RHOBTB3: variants seen among roughly 807,000 people sequenced by gnomAD.
RHOBTB3 encodes the protein Rho related BTB domain containing 3.
Under a neutral mutation model 67.2 loss-of-function variants are expected in RHOBTB3, and 47 were observed. The observed-to-expected ratio is 0.70, with a 90% CI of 0.55 to 0.89. The LOEUF is 0.89. Ranked by LOEUF, RHOBTB3 falls within the 40% of genes least tolerant of loss-of-function variation. RHOBTB3 has a pLI of 0.00. For synonymous variants in RHOBTB3, 273 were observed against 274.2 expected, an observed-to-expected ratio of 1.00 and a Z score of 0.04; for missense variants, 631 against 750.0, an observed-to-expected ratio of 0.84 and a Z score of 1.85.
chr5:95,742,932 A>T (rs547301178), intron 3 of RHOBTB3, among the ~76,000 whole-genome samples: 2 of 152,274 alleles, frequency 1.3e-5, no homozygotes, highest in African/African-American at 2.4e-5. Flanking sequence ...TTAGCCAGGC[A>T]TGCTGGCGGG....
intron 3 of RHOBTB3, among the ~76,000 whole-genome samples, chr5:95,744,073 C>G (rs1045594940): frequency 6.6e-6 from 1 of 151,690 alleles, no homozygotes; most frequent in African/African-American, 2.4e-5. Context: ...CTCTCCTTCC[C>G]TCTCTTCTTT....
At chr5:95,720,849 G>A (rs1754848844) in intron 1 of RHOBTB3, among the ~76,000 whole-genome samples, 1 of 152,024 alleles carries the variant, frequency 6.6e-6, no homozygotes, top group Non-Finnish European at 1.5e-5. Context: ...TTTTGTTTCT[G>A]TTCACCTACA....
At chr5:95,771,142 T>C (rs1164196250) in intron 8 of RHOBTB3, among the ~76,000 whole-genome samples, 1 of 152,186 alleles carries the variant, frequency 6.6e-6, no homozygotes, top group Non-Finnish European at 1.5e-5. Flanking sequence ...AATACCCAAT[T>C]ATGTGACAAC....
chr5:95,741,099 C>T (rs923839201), intron 3 of RHOBTB3, among the ~76,000 whole-genome samples: 3 of 151,976 alleles, frequency 2.0e-5, no homozygotes, highest in Non-Finnish European at 2.9e-5. Context: ...GAGGCCGACG[C>T]GGGTGGATCA....
At chr5:95,744,087 T>TCCTC (rs1755680734) in intron 3 of RHOBTB3, among the ~76,000 whole-genome samples, 1 of 150,882 alleles carries the variant, frequency 6.6e-6, no homozygotes, top group Non-Finnish European at 1.5e-5. Context: ...CTTCTTTCTC[T>TCCTC]CCTCCCCCCT....
At chr5:95,731,193 G>A, upstream of RHOBTB3, 6 of 1,004,448 alleles carry the variant, frequency 6.0e-6, no homozygotes, top group Non-Finnish European at 7.1e-6. Flanking sequence ...GGAGCTCCCG[G>A]GGCCTCCGCG....
Position 95,755,711 on chromosome 5 carries a change from A to G in RHOBTB3, c.998A>G (p.Asp333Gly). 6.2e-7 allele frequency: 1 copy of G among 1,614,062 alleles called. No homozygotes were observed. The highest frequency in any genetic ancestry group is 8.5e-7 in the Non-Finnish European group (1 of 1,179,990). Reference sequence around the variant, plus strand: ...CCACCATTACGAGTCATTGTTAAAGACGCCCTCTTCTGTTCTTGTTTATCA... The same window carrying G: ...CCACCATTACGAGTCATTGTTAAAGGCGCCCTCTTCTGTTCTTGTTTATCA... ...GNPPLRVIVKDALFCSCLSDI... is the reference protein window; with the variant it reads ...GNPPLRVIVKGALFCSCLSDI... The change falls in exon 6 of 12, where the codon GAC (aspartate) becomes GGC (glycine). Residue 333 changes from aspartate (D) to glycine (G), a missense_variant. Transcript: ENST00000379982.
intron 3 of RHOBTB3, among the ~76,000 whole-genome samples, chr5:95,741,454 G>A (rs1580398822): frequency 1.3e-5 from 2 of 149,236 alleles, no homozygotes; most frequent in East Asian, 3.9e-4. Context: ...AATCCAGGAT[G>A]CAATTAAATA....
Position 95,796,253 on chromosome 5 carries a change from AT to A in RHOBTB3, c.*3083del, listed in dbSNP as rs1438954711. On this transcript the variant is annotated 3_prime_UTR_variant, in exon 12 of 12. Coordinates refer to ENST00000379982, the MANE Select transcript of RHOBTB3 (RefSeq NM_014899.4). ...CATCTGTTTAATTCAACCTTTAATA[AT>A]TTTGCAAAGAAGGGTATGTGTGTAT... 3.9e-5 allele frequency: 6 copies of A among 152,246 alleles called. No individual in the cohort carries two copies. The highest frequency in any genetic ancestry group is 8.8e-5 in the Non-Finnish European group (6 of 68,040). 9.4% of individuals were successfully genotyped at this position (152,246 alleles called of 1,614,324 possible). A position where few individuals can be genotyped will look rare whatever the true frequency, so the allele number is the denominator to read the frequency against.
chr5:95,746,364 A>G (rs1236007487), intron 3 of RHOBTB3, among the ~76,000 whole-genome samples: 2 of 152,212 alleles, frequency 1.3e-5, no homozygotes, highest in South Asian at 2.1e-4. Flanking sequence ...ACTCCATTCC[A>G]TCAACATAAG....
rs1028392661 is a variant in RHOBTB3 at position 95,795,202 on chromosome 5, G to A, written c.*2028G>A. On this transcript the variant is annotated 3_prime_UTR_variant, in exon 12 of 12. Coordinates refer to ENST00000379982, the MANE Select transcript of RHOBTB3 (RefSeq NM_014899.4). Reference sequence around the variant, plus strand: ...CTGATTTTAATTAGGCTGTATCATTGATGATTACTGGAATCGATTTTATGT... The same window carrying A: ...CTGATTTTAATTAGGCTGTATCATTAATGATTACTGGAATCGATTTTATGT... 6.6e-6 allele frequency: 1 copy of A among 150,724 alleles called. No homozygotes were observed. The highest frequency in any genetic ancestry group is 1.5e-5 in the Non-Finnish European group (1 of 67,864). The allele number at this position is 150,724 out of a possible 1,614,324, so 9.3% of individuals were successfully genotyped here. A position where few individuals can be genotyped will look rare whatever the true frequency, so the allele number is the denominator to read the frequency against.
At chr5:95,769,918 C>G (rs1233929162) in intron 8 of RHOBTB3, 6 of 366,806 alleles carry the variant, frequency 1.6e-5, no homozygotes, top group Non-Finnish European at 3.2e-5. Context: ...AAAGCTGGTC[C>G]TCAGGTTATA....
Position 95,768,014 on chromosome 5 carries a change from A to G in RHOBTB3, c.1162-32A>G, listed in dbSNP as rs1295257597. ...ATATGTTATCAAAGCATGTTAAACA[A>G]CCTTTCCCTGTATTTTTGTTTTCCC... On this transcript the variant is annotated intron_variant, in intron 7 of 11. Transcript: ENST00000379982. The G allele has an allele frequency of 1.1e-5, 18 of 1,606,616 alleles. No individual in the cohort carries two copies. In the African/African-American group the frequency reaches 1.3e-4, roughly 12 times the overall value.
chr5:95,731,907 G>A lies in RHOBTB3; in HGVS notation c.51G>A (p.Gln17=). The A allele has an allele frequency of 6.2e-7, 1 of 1,614,088 alleles. No homozygotes were observed. Among genetic ancestry groups the A allele is most frequent in the Non-Finnish European group, 8.5e-7 (1 of 1,180,012 alleles). The change falls in exon 2 of 12, where the codon CAG becomes CAA. Residue 17 remains glutamine, a synonymous_variant. Transcript: ENST00000379982. The part of the protein sequence containing the change: ...ALGNEGDTFH[Q]DNRPSGLIRT... The stretch of plus-strand genomic sequence containing the variant: ...GGAACGAGGGGGACACATTCCACCA[G>A]GACAACCGGCCGTCGGGGCTTATCC...
At chr5:95,774,157 T>A (rs898192462) in intron 8 of RHOBTB3, among the ~76,000 whole-genome samples, 2 of 152,190 alleles carry the variant, frequency 1.3e-5, no homozygotes. Context: ...ATGAACATTT[T>A]TTTTAGAAAA....
upstream of RHOBTB3, among the ~76,000 whole-genome samples, chr5:95,730,166 C>T (rs1755178282): frequency 6.6e-6 from 1 of 152,044 alleles, no homozygotes; most frequent in Admixed American, 6.6e-5. Context: ...CTACTTTCAA[C>T]CGAGCAATAA....
chr5:95,742,475 T>C (rs1277897283), intron 3 of RHOBTB3, among the ~76,000 whole-genome samples: 1 of 152,212 alleles, frequency 6.6e-6, no homozygotes, highest in Non-Finnish European at 1.5e-5. Flanking sequence ...ACTTCAGATA[T>C]CACCATCCAT....
At chr5:95,766,667 A>C (rs1314223002) in intron 7 of RHOBTB3, among the ~76,000 whole-genome samples, 1 of 152,070 alleles carries the variant, frequency 6.6e-6, no homozygotes, top group African/African-American at 2.4e-5. Flanking sequence ...AAGGGAGGCC[A>C]GCCCTTGACT....
intron 10 of RHOBTB3, 68 bp downstream of exon 10, chr5:95,784,031 A>G: frequency 7.7e-7 from 1 of 1,293,832 alleles, no homozygotes; most frequent in Non-Finnish European, 1.0e-6. Context: ...ACTATTTTAA[A>G]ATTTATCATT....
Sources: allele counts gnomAD v4.1 joint callset (sites outside exome capture counted in the v4.1 genomes callset), GRCh38; gene constraint gnomAD v4.1.1; transcripts MANE v1.5; gene names NCBI Gene and HGNC (gene_info 2026-07-23, HGNC 2026-07-21).